Variants in SLIT2 observed in about 807,000 individuals in gnomAD.
SLIT2 encodes slit guidance ligand 2, also known as slit homolog 2 protein.
A neutral mutation model predicts 185.7 loss-of-function variants in SLIT2; 41 were observed. The ratio of observed to expected loss-of-function variants is 0.22; its 90% confidence interval spans 0.17 to 0.29. The LOEUF (loss-of-function observed/expected upper bound fraction) is 0.29. Ranked by LOEUF, SLIT2 falls within the 10% of genes least tolerant of loss-of-function variation. The pLI is 1.00. For synonymous variants in SLIT2, 693 were observed against 680.2 expected (o/e 1.02, Z -0.29); for missense variants, 1,571 against 1,909.0 (o/e 0.82, Z 3.30).
At chr4:20,529,171 T>C in intron 16 of SLIT2, 72 bp downstream of exon 16, 3 of 1,189,086 alleles carry the variant, frequency 2.5e-6, no homozygotes, top group Non-Finnish European at 3.5e-6. Context: ...AGAATGTTTG[T>C]CTTGCCATTT....
intron 29 of SLIT2, among the ~76,000 whole-genome samples, chr4:20,570,731 G>GTATATATATA (rs55841917): frequency 4.0e-5 from 5 of 125,548 alleles, no homozygotes; most frequent in African/African-American, 1.2e-4. Context: ...ATATATATAT[G>GTATATATATA]TATATATATA....
chr4:20,609,500 A>T (rs749721089), intron 33 of SLIT2, among the ~76,000 whole-genome samples: 1 of 152,192 alleles, frequency 6.6e-6, no homozygotes, highest in Non-Finnish European at 1.5e-5. Flanking sequence ...AGATCCCACC[A>T]AGTTGTTTCT....
chr4:20,360,431 C>G (rs533923246), intron 4 of SLIT2, among the ~76,000 whole-genome samples: 1 of 152,174 alleles, frequency 6.6e-6, no homozygotes, highest in East Asian at 1.9e-4. Context: ...TGAGAAGAGC[C>G]TCAGGAATCC....
intron 4 of SLIT2, among the ~76,000 whole-genome samples, chr4:20,296,978 A>G (rs892762340): frequency 6.6e-6 from 1 of 152,232 alleles, no homozygotes; most frequent in Non-Finnish European, 1.5e-5. Context: ...GTTATGCGCA[A>G]TCGGAAGCTC....
At chr4:20,261,153 C>A (rs1242289195) in intron 3 of SLIT2, among the ~76,000 whole-genome samples, 1 of 151,734 alleles carries the variant, frequency 6.6e-6, no homozygotes, top group Non-Finnish European at 1.5e-5. Context: ...GCTAGTGGTA[C>A]CTGTTTATCT....
At chr4:20,278,864 G>A (rs370338410) in intron 4 of SLIT2, among the ~76,000 whole-genome samples, 49 of 152,022 alleles carry the variant, frequency 3.2e-4, no homozygotes, top group African/African-American at 1.0e-3. Flanking sequence ...GGCATACTGA[G>A]TGCTTAAGAA....
intron 4 of SLIT2, among the ~76,000 whole-genome samples, chr4:20,456,021 C>G (rs1042316963): frequency 3.3e-5 from 5 of 151,870 alleles, no homozygotes; most frequent in Non-Finnish European, 5.9e-5. Context: ...ATTTATAGAC[C>G]ACTTTTACAA....
At chr4:20,509,094 C>CA (rs1346252392) in intron 9 of SLIT2, among the ~76,000 whole-genome samples, 1 of 151,516 alleles carries the variant, frequency 6.6e-6, no homozygotes, top group Non-Finnish European at 1.5e-5. Context: ...ATGTATATGA[C>CA]ACATATATGG....
At chr4:20,427,402 A>T (rs1298354566) in intron 4 of SLIT2, among the ~76,000 whole-genome samples, 2 of 152,194 alleles carry the variant, frequency 1.3e-5, no homozygotes, top group Non-Finnish European at 1.5e-5. Flanking sequence ...GAAAAATTAT[A>T]TTCTTACACA....
At chr4:20,374,337 G>A (rs61789395) in intron 4 of SLIT2, among the ~76,000 whole-genome samples, 11,459 of 152,154 alleles carry the variant, frequency 0.075, 584 homozygotes, top group South Asian at 0.17. Context: ...TTATTTGTGT[G>A]AAGAGAAGGA....
At chr4:20,376,210 T>C (rs563716997) in intron 4 of SLIT2, among the ~76,000 whole-genome samples, 2 of 148,224 alleles carry the variant, frequency 1.3e-5, no homozygotes, top group Admixed American at 1.4e-4. Flanking sequence ...ACTGTATTCA[T>C]ACTGTTGTAA....
intron 4 of SLIT2, among the ~76,000 whole-genome samples, chr4:20,382,618 G>C (rs1278436752): frequency 6.6e-6 from 1 of 152,094 alleles, no homozygotes; most frequent in African/African-American, 2.4e-5. Context: ...TATTCAGTCT[G>C]AACACTGAAA....
chr4:20,472,387 T>TCTATATATATAG (rs1560453741), intron 5 of SLIT2, among the ~76,000 whole-genome samples: 1 of 17,382 alleles, frequency 5.8e-5, no homozygotes, highest in Non-Finnish European at 9.1e-5. Context: ...TATATATATG[T>TCTATATATATAG]AGATATATAG....
At chr4:20,268,417 T>C (rs1224206973) in intron 3 of SLIT2, among the ~76,000 whole-genome samples, 1 of 151,758 alleles carries the variant, frequency 6.6e-6, no homozygotes, top group Non-Finnish European at 1.5e-5. Context: ...TTGGCTGAAC[T>C]TTTAGGCCAA....
chr4:20,446,842 A>T (rs1711858468), intron 4 of SLIT2, among the ~76,000 whole-genome samples: 2 of 152,240 alleles, frequency 1.3e-5, no homozygotes. Flanking sequence ...AGAAAATCCC[A>T]TGTACCCCAA....
chr4:20,602,666 C>T (rs1289323142), intron 33 of SLIT2, among the ~76,000 whole-genome samples: 2 of 152,170 alleles, frequency 1.3e-5, no homozygotes, highest in Non-Finnish European at 2.9e-5. Flanking sequence ...AGATCTTGTA[C>T]TCCAGGGACT....
intron 33 of SLIT2, among the ~76,000 whole-genome samples, chr4:20,602,158 C>G (rs1728459772): frequency 6.6e-6 from 1 of 152,086 alleles, no homozygotes; most frequent in African/African-American, 2.4e-5. Flanking sequence ...GAAATTATCT[C>G]TAGACTGGTA....
chr4:20,335,822 G>T (rs1720448669), intron 4 of SLIT2, among the ~76,000 whole-genome samples: 1 of 152,076 alleles, frequency 6.6e-6, no homozygotes, highest in Non-Finnish European at 1.5e-5. Flanking sequence ...CATAGTCATG[G>T]TAATACCATT....
At chr4:20,383,408 G>A (rs1413797132) in intron 4 of SLIT2, among the ~76,000 whole-genome samples, 1 of 152,078 alleles carries the variant, frequency 6.6e-6, no homozygotes, top group Non-Finnish European at 1.5e-5. Flanking sequence ...AAACCAGTGG[G>A]CAAAATATTT....
Sources: allele counts gnomAD v4.1 joint callset (sites outside exome capture counted in the v4.1 genomes callset), GRCh38; gene constraint gnomAD v4.1.1; transcripts MANE v1.5; gene names NCBI Gene and HGNC (gene_info 2026-07-23, HGNC 2026-07-21).